The following FANCB variants were observed in gnomAD, a reference collection of about 807,000 sequenced individuals.
FANCB encodes Fanconi anemia group B protein.
FANCB carries 5 observed loss-of-function variants against 38.9 expected under a neutral mutation model. The observed-to-expected ratio is 0.13, with a 90% confidence interval of 0.07 to 0.27. FANCB has a LOEUF of 0.27. Ranked by LOEUF, FANCB falls within the 10% of genes least tolerant of loss-of-function variation. The pLI is 1.00. For synonymous variants in FANCB, 236 were observed against 215.4 expected (o/e 1.10, Z -0.84); for missense variants, 573 against 602.7 (o/e 0.95, Z 0.52).
downstream of FANCB, chrX:14,834,354 T>C (rs1455258156): frequency 3.1e-6 from 1 of 324,882 alleles, no homozygotes; most frequent in Non-Finnish European, 5.6e-6. Flanking sequence ...GGACAACATT[T>C]ATCAAACACG....
the FANCB span, among the ~76,000 whole-genome samples, chrX:14,795,272 C>T: frequency 3.8e-5 from 4 of 104,681 alleles, no homozygotes; most frequent in Non-Finnish European, 7.6e-5. Context: ...TTGGGGTAGA[C>T]ACTAGCAAAC....
chrX:14,721,653 C>A, the FANCB span, among the ~76,000 whole-genome samples: 1 of 111,349 alleles, frequency 9.0e-6, no homozygotes, highest in African/African-American at 3.3e-5. Context: ...TACAGTCCCA[C>A]CCTGTATATG....
chrX:14,725,515 A>G, the FANCB span, among the ~76,000 whole-genome samples: 7 of 112,143 alleles, frequency 6.2e-5, no homozygotes, highest in Non-Finnish European at 9.4e-5. Context: ...CAATAAAAAA[A>G]TCTGGGTGAG....
chrX:14,718,493 A>C, the FANCB span, among the ~76,000 whole-genome samples: 1 of 112,458 alleles, frequency 8.9e-6, no homozygotes, highest in South Asian at 3.7e-4. Context: ...GGCACAAAAC[A>C]ACCATCTTAC....
the FANCB span, among the ~76,000 whole-genome samples, chrX:14,739,978 T>C: frequency 1.8e-5 from 2 of 111,628 alleles, no homozygotes; most frequent in African/African-American, 3.3e-5. Flanking sequence ...GTGAAGTGTG[T>C]ACCACACTGG....
the FANCB span, among the ~76,000 whole-genome samples, chrX:14,786,538 A>C: frequency 9.0e-6 from 1 of 111,095 alleles, no homozygotes. Flanking sequence ...AAAGGAAATA[A>C]AACATTTTTA....
chrX:14,844,234 TA>T (rs1240662434), intron 9 of FANCB, among the ~76,000 whole-genome samples: 3 of 111,348 alleles, frequency 2.7e-5, no homozygotes, highest in East Asian at 2.8e-4. Flanking sequence ...GTCAATATAA[TA>T]TTTTTTTAAA....
At chrX:14,705,200 A>G in the FANCB span, among the ~76,000 whole-genome samples, 1 of 112,255 alleles carries the variant, frequency 8.9e-6, no homozygotes, top group East Asian at 2.8e-4. Flanking sequence ...GCTGATACAC[A>G]TTTACATCAG....
chrX:14,851,287 C>T (rs2092400500), intron 6 of FANCB, among the ~76,000 whole-genome samples: 1 of 111,794 alleles, frequency 8.9e-6, no homozygotes, highest in Admixed American at 9.5e-5. Flanking sequence ...ATTCATTTAA[C>T]CCACACAATA....
At chrX:14,735,625 AC>A in the FANCB span, among the ~76,000 whole-genome samples, 2 of 111,618 alleles carry the variant, frequency 1.8e-5, no homozygotes, top group Non-Finnish European at 3.8e-5. Context: ...CCAGAGGGGC[AC>A]CTGCCAGATG....
downstream of FANCB, among the ~76,000 whole-genome samples, chrX:14,839,119 C>A (rs2092348286): frequency 1.8e-5 from 2 of 110,683 alleles, no homozygotes; most frequent in Admixed American, 9.6e-5. Context: ...CATGGTGAAA[C>A]CCCATCTCTA....
the FANCB span, among the ~76,000 whole-genome samples, chrX:14,708,068 T>C: frequency 3.6e-5 from 4 of 110,369 alleles, no homozygotes; most frequent in Non-Finnish European, 7.6e-5. Flanking sequence ...AAGTATACAA[T>C]ACAGTATTGT....
chrX:14,845,218 T>A lies in FANCB; in HGVS notation c.1565A>T (p.Lys522Met). 3 of 1,209,190 alleles carry A rather than the reference T, an allele frequency of 2.5e-6. No individual in the cohort carries two copies. Among genetic ancestry groups the A allele is most frequent in the Non-Finnish European group, 3.4e-6 (3 of 893,358 alleles). The change falls in exon 8 of 10, where the codon AAG becomes ATG. Residue 522 changes from lysine (K) to methionine (M), a missense_variant. By Grantham distance (95) the Lys-to-Met change is moderately conservative. Coordinates refer to ENST00000650831, the MANE Select transcript of FANCB (RefSeq NM_001018113.3). ...QAHDSRFRLL[K>M]CQNRVIKLST... Reference sequence around the variant, plus strand: ...CAACTTAATCACCCTATTTTGACACTTTAGAAGCCGAAATCTGGAGTCATG... The same window carrying A: ...CAACTTAATCACCCTATTTTGACACATTAGAAGCCGAAATCTGGAGTCATG...
the FANCB span, among the ~76,000 whole-genome samples, chrX:14,728,299 G>A: frequency 6.3e-5 from 7 of 110,867 alleles, no homozygotes; most frequent in Non-Finnish European, 1.3e-4. Flanking sequence ...GGTCTGAGGC[G>A]GGAGGATCAC....
At chrX:14,712,986 T>C in the FANCB span, among the ~76,000 whole-genome samples, 2 of 112,102 alleles carry the variant, frequency 1.8e-5, no homozygotes, top group Non-Finnish European at 3.8e-5. Context: ...CTGGGAAATA[T>C]AGTTCTTCCC....
the FANCB span, among the ~76,000 whole-genome samples, chrX:14,731,996 C>G: frequency 8.1e-5 from 9 of 110,998 alleles, no homozygotes; most frequent in Admixed American, 2.9e-4. Flanking sequence ...AACCCATCAT[C>G]TACACTAGGC....
the FANCB span, among the ~76,000 whole-genome samples, chrX:14,762,827 A>G: frequency 8.9e-6 from 1 of 112,697 alleles, no homozygotes; most frequent in Non-Finnish European, 1.9e-5. Flanking sequence ...TTCTCCCTGT[A>G]TCAGGCTCGC....
the FANCB span, chrX:14,690,989 C>T: frequency 1.5e-6 from 1 of 657,278 alleles, no homozygotes; most frequent in East Asian, 3.4e-5. Context: ...TGTCCTACTA[C>T]ACTGACTTAG....
downstream of FANCB, among the ~76,000 whole-genome samples, chrX:14,839,562 T>A (rs762887603): frequency 2.1e-3 from 230 of 111,078 alleles, no homozygotes; most frequent in African/African-American, 6.9e-3. Flanking sequence ...AAAAAAATAA[T>A]TAAAGCATCT....
Sources: allele counts gnomAD v4.1 joint callset (sites outside exome capture counted in the v4.1 genomes callset), GRCh38; gene constraint gnomAD v4.1.1; transcripts MANE v1.5; gene names NCBI Gene and HGNC (gene_info 2026-07-23, HGNC 2026-07-21).